Variants in KIF13A observed in about 807,000 individuals in gnomAD.
KIF13A encodes the protein kinesin family member 13A.
KIF13A carries 79 observed loss-of-function variants against 212.2 expected under a neutral mutation model. That is an observed-to-expected ratio of 0.37 (90% CI 0.31 to 0.45). The LOEUF is 0.45. Ranked by LOEUF, KIF13A falls within the 20% of genes least tolerant of loss-of-function variation. The pLI is 1.00. For synonymous variants in KIF13A, 789 were observed against 808.6 expected (o/e 0.98, Z 0.41); for missense variants, 1,901 against 2,209.0 (o/e 0.86, Z 2.79).
At position 17,919,636 on chromosome 6, in the gene KIF13A, T is replaced by C. The variant is rs562872400; in HGVS notation, c.147-21456A>G. Among the ~76,000 whole-genome samples the C allele has an allele frequency of 1.8e-4, 27 of 152,208 alleles. No homozygotes were observed. Among genetic ancestry groups the C allele is most frequent in the Admixed American group, 5.9e-4 (9 of 15,284 alleles). On this transcript the variant is annotated intron_variant, in intron 2 of 38. Transcript: ENST00000259711. The surrounding 1 kb of genome is among the most constrained non-coding windows in gnomAD (Gnocchi z 4.1). The stretch of plus-strand genomic sequence containing the variant: ...CAGTGGCTGCTTTACCTACCCTGAT[T>C]TGACCTGTTCTATTATCTAGTTTTC...
Position 17,982,785 on chromosome 6 carries a change from G to A in KIF13A, c.146+4269C>T, listed in dbSNP as rs991923665. ...CCTAAAAGTCACGGGGATCAGACCC[G>A]TAAGCCAACCACCTATATTTTAAAA... On this transcript the variant is annotated intron_variant, in intron 2 of 38. Coordinates refer to ENST00000259711, the MANE Select transcript of KIF13A (RefSeq NM_022113.6). This position sits in a 1 kb window ranked among gnomAD's most constrained non-coding sequence, Gnocchi z 5.1. 4.2e-4 allele frequency among the ~76,000 whole-genome samples: 64 copies of A among 152,122 alleles called. No individual in the cohort carries two copies. Among genetic ancestry groups the A allele is most frequent in the African/African-American group, 1.2e-3 (50 of 41,434 alleles).
At chr6:17,806,476 A>G (rs1276989003) in intron 18 of KIF13A, among the ~76,000 whole-genome samples, 1 of 152,136 alleles carries the variant, frequency 6.6e-6, no homozygotes, top group African/African-American at 2.4e-5. Context: ...CTGATAAGAT[A>G]CTCCCTGACT....
Position 17,825,735 on chromosome 6 carries a change from C to T in KIF13A, c.1786+33G>A. On this transcript the variant is annotated intron_variant, in intron 16 of 38. Transcript: ENST00000259711. The surrounding 1 kb of genome is among the most constrained non-coding windows in gnomAD (Gnocchi z 4.5). ...TGAATGGTGTGAGGTGAGGAAATGC[C>T]CAAGGCGCTGGAACACAGAGTGAGG... is the stretch of plus-strand genomic sequence containing the variant. The T allele has an allele frequency of 1.3e-6, 2 of 1,593,294 alleles. No individual in the cohort carries two copies. Among genetic ancestry groups the T allele is most frequent in the Non-Finnish European group, 1.7e-6 (2 of 1,169,198 alleles).
chr6:17,813,766 C>T (rs1029598036), intron 17 of KIF13A, among the ~76,000 whole-genome samples: 4 of 151,750 alleles, frequency 2.6e-5, no homozygotes, highest in Non-Finnish European at 5.9e-5. Flanking sequence ...AGTCAGAATG[C>T]CACGGCTCTG....
intron 31 of KIF13A, 25 bp downstream of exon 31, chr6:17,780,705 T>C: frequency 2.5e-6 from 4 of 1,606,366 alleles, no homozygotes; most frequent in Non-Finnish European, 3.4e-6. Context: ...AGAGCCAGAA[T>C]GGCACAATCA....
rs138681447 is a variant in KIF13A at position 17,766,095 on chromosome 6, T to C, written c.4582-1149A>G. Among the ~76,000 whole-genome samples the C allele has an allele frequency of 3.1e-3, 472 of 152,314 alleles. 3 individuals carry two copies. Among genetic ancestry groups the C allele is most frequent in the African/African-American group, 0.011 (440 of 41,574 alleles). On this transcript the variant is annotated intron_variant, in intron 38 of 38. Coordinates refer to ENST00000259711, the MANE Select transcript of KIF13A (RefSeq NM_022113.6). The stretch of plus-strand genomic sequence containing the variant: ...CTCAAAAACAGTTAGCTTTCTTTCA[T>C]TGGTCATCTGGTTTAAAGCATCTGT...
At chr6:17,802,927 TTTTTGTTTTTTTTTG>T (rs1052868430) in intron 20 of KIF13A, among the ~76,000 whole-genome samples, 10 of 135,294 alleles carry the variant, frequency 7.4e-5, no homozygotes, top group East Asian at 2.2e-4. Flanking sequence ...TTTTGTGTTT[TTTTTGTTTTTTTTTG>T]TTTTGTTTTG....
chr6:17,875,709 C>G (rs956360112), intron 3 of KIF13A, among the ~76,000 whole-genome samples: 17 of 152,132 alleles, frequency 1.1e-4, no homozygotes, highest in African/African-American at 3.6e-4. Context: ...CCTGCCTCAG[C>G]CTCCCAAAGT....
At chr6:17,847,652 A>T (rs116719770) in intron 9 of KIF13A, among the ~76,000 whole-genome samples, 1 of 152,160 alleles carries the variant, frequency 6.6e-6, no homozygotes, top group Non-Finnish European at 1.5e-5. Context: ...ACACTAAACT[A>T]CTTTCTGTTG....
chr6:17,799,183 A>T lies in KIF13A; in HGVS notation c.2790+83T>A. 1.1e-6 allele frequency: 1 copy of T among 936,036 alleles called. No individual in the cohort carries two copies. The highest frequency in any genetic ancestry group is 1.5e-6 in the Non-Finnish European group (1 of 673,526). The allele number at this position is 936,036 out of a possible 1,614,324, so 58.0% of individuals were successfully genotyped here. A position where few individuals can be genotyped will look rare whatever the true frequency, so the allele number is the denominator to read the frequency against. On this transcript the variant is annotated intron_variant, in intron 22 of 38. Coordinates refer to ENST00000259711, the MANE Select transcript of KIF13A (RefSeq NM_022113.6). This position sits in a 1 kb window ranked among gnomAD's most constrained non-coding sequence, Gnocchi z 4.4. ...TAATAAACATATTATACTTAAAACAAATGCTTGTGGGGACAACTGATTGTT... is the reference window on the plus strand; with the variant it reads ...TAATAAACATATTATACTTAAAACATATGCTTGTGGGGACAACTGATTGTT...
At chr6:17,760,552 A>C (rs1161726108), downstream of KIF13A, 6 of 475,886 alleles carry the variant, frequency 1.3e-5, no homozygotes, top group Non-Finnish European at 1.9e-5. Context: ...AGAGGTTTCT[A>C]TACAGTGGAG....
At chr6:17,985,440 C>T (rs912511724) in intron 2 of KIF13A, among the ~76,000 whole-genome samples, 2 of 152,102 alleles carry the variant, frequency 1.3e-5, no homozygotes, top group African/African-American at 2.4e-5. Context: ...AATGACAACA[C>T]TTCATGTCAT....
At chr6:17,835,960 T>C (rs1051211631) in intron 11 of KIF13A, among the ~76,000 whole-genome samples, 1 of 152,154 alleles carries the variant, frequency 6.6e-6, no homozygotes, top group African/African-American at 2.4e-5. Flanking sequence ...AACTTAGAAG[T>C]GTCAGATACA....
chr6:17,975,987 C>T (rs1487815028), intron 2 of KIF13A, among the ~76,000 whole-genome samples: 2 of 152,178 alleles, frequency 1.3e-5, no homozygotes, highest in African/African-American at 4.8e-5. Flanking sequence ...CATTCACAAA[C>T]CCTGAGCTAG....
Position 17,794,481 on chromosome 6 carries a change from A to G in KIF13A, c.3076-86T>C. The G allele has an allele frequency of 6.4e-7, 1 of 1,555,740 alleles. No homozygotes were observed. The highest frequency in any genetic ancestry group is 1.2e-5 in the South Asian group (1 of 83,876). On this transcript the variant is annotated intron_variant, in intron 24 of 38. Coordinates refer to ENST00000259711, the MANE Select transcript of KIF13A (RefSeq NM_022113.6). The surrounding 1 kb of genome is among the most constrained non-coding windows in gnomAD (Gnocchi z 4.1). ...GAAGGGGAAAAGGATTAGAGAATAA[A>G]GATACAAATAGTTAGAAAATCCCCA...
intron 22 of KIF13A, among the ~76,000 whole-genome samples, chr6:17,798,186 T>G (rs1442336614): frequency 6.6e-6 from 1 of 152,098 alleles, no homozygotes; most frequent in Non-Finnish European, 1.5e-5. Context: ...AATCTATACA[T>G]TTTAGCGATG....
Position 17,829,809 on chromosome 6 carries a change from C to A in KIF13A, c.1401+1292G>T, listed in dbSNP as rs1030073706. Among the ~76,000 whole-genome samples the A allele has an allele frequency of 6.6e-6, 1 of 152,076 alleles. No individual in the cohort carries two copies. Among genetic ancestry groups the A allele is most frequent in the African/African-American group, 2.4e-5 (1 of 41,398 alleles). On this transcript the variant is annotated intron_variant, in intron 13 of 38. Transcript: ENST00000259711. The surrounding 1 kb of genome is among the most constrained non-coding windows in gnomAD (Gnocchi z 5.4). Reference sequence around the variant, plus strand: ...AGGGGCTATTTGTACCAAATTTACACCTCTAGGAAAAGTAGAAGGTGAGGC... The same window carrying A: ...AGGGGCTATTTGTACCAAATTTACAACTCTAGGAAAAGTAGAAGGTGAGGC...
At chr6:17,868,538 G>C (rs1769643345) in intron 4 of KIF13A, among the ~76,000 whole-genome samples, 1 of 147,352 alleles carries the variant, frequency 6.8e-6, no homozygotes, top group African/African-American at 2.5e-5. Context: ...ATCTAATTCT[G>C]CAGGTTATTT....
chr6:17,959,952 G>T (rs1490667033), intron 2 of KIF13A, among the ~76,000 whole-genome samples: 1 of 151,898 alleles, frequency 6.6e-6, no homozygotes, highest in Non-Finnish European at 1.5e-5. Context: ...AACCCGGGAG[G>T]CGGAGGTTGT....
Sources: allele counts gnomAD v4.1 joint callset (sites outside exome capture counted in the v4.1 genomes callset), GRCh38; gene constraint gnomAD v4.1.1; non-coding constraint Gnocchi (gnomAD v3.1); transcripts MANE v1.5; gene names NCBI Gene and HGNC (gene_info 2026-07-23, HGNC 2026-07-21).